Variants in MGMT observed in about 807,000 individuals in gnomAD.
MGMT encodes the protein methylated-DNA--protein-cysteine methyltransferase.
A neutral mutation model predicts 15.9 loss-of-function variants in MGMT; 14 were observed. That is an observed-to-expected ratio of 0.88 (90% CI 0.58 to 1.37). The LOEUF (loss-of-function observed/expected upper bound fraction) is 1.37, where lower values mean the gene tolerates loss of function less well. Ranked by LOEUF, MGMT falls within the 40% of genes most tolerant of loss-of-function variation. The pLI is 0.00. For missense variants in MGMT, 282 were observed against 268.1 expected (o/e 1.05, Z -0.36); for synonymous variants, 130 against 118.2 (o/e 1.10, Z -0.65).
chr10:129,696,168 G>A (rs56819551), intron 2 of MGMT, among the ~76,000 whole-genome samples: 1,702 of 152,290 alleles, frequency 0.011, 27 homozygotes, highest in African/African-American at 0.039. Flanking sequence ...GAGGAGAAAT[G>A]AGGGTACAGC....
rs376209198 is a variant in MGMT, at chr10:129,649,459, A to G, written c.126-58436A>G. 1.1e-4 allele frequency among the ~76,000 whole-genome samples: 17 copies of G among 152,268 alleles called. No homozygotes were observed. In the East Asian group the frequency reaches 2.3e-3, roughly 21 times the overall value. ...TATTGTTTAAAAAATAAAAGTTGGG[A>G]GGAAGATATAATGGATTTTGTCAGT... is the stretch of plus-strand genomic sequence containing the variant. On this transcript the variant is annotated intron_variant, in intron 2 of 4. Coordinates refer to ENST00000651593, the MANE Select transcript of MGMT (RefSeq NM_002412.5).
chr10:129,702,216 C>T (rs568210895), intron 2 of MGMT: 1 of 152,280 alleles, frequency 6.6e-6, no homozygotes, highest in Non-Finnish European at 1.5e-5. Flanking sequence ...TTAAGGAACC[C>T]CTGGCATTGC....
rs78859831 is a variant in MGMT at position 129,533,198 on chromosome 10, C to G, written c.-12-3043C>G. Among the ~76,000 whole-genome samples the G allele has an allele frequency of 4.8e-4, 73 of 152,356 alleles. 3 individuals are homozygous for G. In the East Asian group the frequency reaches 0.013, roughly 28 times the overall value. On this transcript the variant is annotated intron_variant, in intron 1 of 4. Coordinates refer to ENST00000651593, the MANE Select transcript of MGMT (RefSeq NM_002412.5). This position sits in a 1 kb window ranked among gnomAD's most constrained non-coding sequence, Gnocchi z 4.5. ...GATTTTGGCTGTGATTGGAGCGTGG[C>G]CAGTTCTGGTTCCTGCTATTTTCTG...
intron 2 of MGMT, among the ~76,000 whole-genome samples, chr10:129,635,001 T>G (rs1231105761): frequency 6.6e-6 from 1 of 152,210 alleles, no homozygotes; most frequent in African/African-American, 2.4e-5. Context: ...AGTTTGACTC[T>G]TTTGGGTCTT....
At chr10:129,581,381 GCAGTCCTTGGAGAA>G (rs1219933485) in intron 2 of MGMT, among the ~76,000 whole-genome samples, 1 of 152,184 alleles carries the variant, frequency 6.6e-6, no homozygotes, top group Non-Finnish European at 1.5e-5. Context: ...TCCTCCGGTG[GCAGTCCTTGGAGAA>G]CAGGGCCCCA....
chr10:129,743,837 C>T (rs1848665105), intron 3 of MGMT, among the ~76,000 whole-genome samples: 1 of 152,246 alleles, frequency 6.6e-6, no homozygotes, highest in African/African-American at 2.4e-5. Context: ...TCCAGACTGG[C>T]TACAGATGGT....
intron 1 of MGMT, among the ~76,000 whole-genome samples, chr10:129,479,441 T>G (rs1418287046): frequency 6.6e-6 from 1 of 152,186 alleles, no homozygotes; most frequent in East Asian, 1.9e-4. Context: ...AATGTTTTCA[T>G]ATGGAATTGT....
intron 2 of MGMT, among the ~76,000 whole-genome samples, chr10:129,585,741 G>A (rs937609072): frequency 3.9e-5 from 6 of 152,088 alleles, no homozygotes; most frequent in Non-Finnish European, 5.9e-5. Context: ...CCGTGAGTCC[G>A]TGGCTGTGGA....
intron 2 of MGMT, among the ~76,000 whole-genome samples, chr10:129,674,976 G>A (rs888726549): frequency 4.6e-5 from 7 of 152,210 alleles, no homozygotes; most frequent in South Asian, 4.1e-4. Context: ...ATGAGGCATC[G>A]TGGGAGCATT....
chr10:129,589,657 C>T (rs948384790), intron 2 of MGMT, among the ~76,000 whole-genome samples: 1 of 152,226 alleles, frequency 6.6e-6, no homozygotes, highest in East Asian at 1.9e-4. Context: ...TAGTGACCCC[C>T]TATGGCCTGC....
intron 4 of MGMT, among the ~76,000 whole-genome samples, chr10:129,765,422 C>G (rs117366582): frequency 0.025 from 3,742 of 152,322 alleles, 64 homozygotes; most frequent in Non-Finnish European, 0.036. Context: ...GTGGCCATCC[C>G]TGTCTGCCCA....
At position 129,467,272 on chromosome 10, in the gene MGMT, C is replaced by G. The variant is rs1159077257; in HGVS notation, c.-37C>G. The G allele has an allele frequency of 4.5e-6, 7 of 1,544,840 alleles. No homozygotes were observed. The East Asian group carries it at 1.5e-4, about 33-fold the overall frequency. ...TTGCGTCCCGACGCCCGCAGGTCCT[C>G]GCGGTGCGCACCGTTTGCGACTTGG... On this transcript the variant is annotated 5_prime_UTR_variant, in exon 1 of 5. Transcript: ENST00000651593.
intron 2 of MGMT, among the ~76,000 whole-genome samples, chr10:129,592,940 C>T (rs1333664790): frequency 6.6e-6 from 1 of 151,990 alleles, no homozygotes; most frequent in Non-Finnish European, 1.5e-5. Context: ...ATAGAAATAA[C>T]TTGCATGAGG....
intron 2 of MGMT, among the ~76,000 whole-genome samples, chr10:129,655,634 A>G (rs1323695167): frequency 1.3e-5 from 2 of 152,186 alleles, no homozygotes; most frequent in Non-Finnish European, 2.9e-5. Flanking sequence ...GAGTTTGTAA[A>G]ACACTTTGTA....
chr10:129,545,734 T>C (rs560799755), intron 2 of MGMT, among the ~76,000 whole-genome samples: 1 of 152,352 alleles, frequency 6.6e-6, no homozygotes, highest in Non-Finnish European at 1.5e-5. Context: ...TTTTTATTCT[T>C]CCTATATCTG....
chr10:129,644,344 G>A (rs1156509456), intron 2 of MGMT, among the ~76,000 whole-genome samples: 1 of 152,238 alleles, frequency 6.6e-6, no homozygotes, highest in Non-Finnish European at 1.5e-5. Flanking sequence ...ACTGCGGCAT[G>A]TGCTGGAAAA....
intron 2 of MGMT, among the ~76,000 whole-genome samples, chr10:129,589,866 A>G (rs115468623): frequency 0.039 from 5,968 of 152,292 alleles, 150 homozygotes; most frequent in South Asian, 0.065. Flanking sequence ...CTGGCAGCCC[A>G]TCCACCAGGA....
intron 2 of MGMT, among the ~76,000 whole-genome samples, chr10:129,592,176 C>G (rs1223539918): frequency 1.3e-5 from 2 of 152,196 alleles, no homozygotes; most frequent in African/African-American, 2.4e-5. Flanking sequence ...GAAAGTATCA[C>G]TGACCAGCCA....
rs11016833 is a variant in MGMT, at chr10:129,533,348, G to A, written c.-12-2893G>A. On this transcript the variant is annotated intron_variant, in intron 1 of 4. Coordinates refer to ENST00000651593, the MANE Select transcript of MGMT (RefSeq NM_002412.5). This position sits in a 1 kb window ranked among gnomAD's most constrained non-coding sequence, Gnocchi z 4.5. ...CCTGCTGTTAAGAGTGCTACCTGAT[G>A]CAGGTGCTCGGGGCTGGCCAGGATC... Among the ~76,000 whole-genome samples, 33,514 of 152,162 alleles carry A rather than the reference G, an allele frequency of 0.22. 4,270 individuals are homozygous for A. Among genetic ancestry groups the A allele is most frequent in the Non-Finnish European group, 0.28 (19,370 of 67,982 alleles).
Sources: gnomAD v4.1 joint callset for allele counts (sites outside exome capture counted in the v4.1 genomes callset) on GRCh38, gnomAD v4.1.1 for gene constraint, Gnocchi (gnomAD v3.1) non-coding constraint, MANE v1.5 for transcripts, NCBI Gene and HGNC (gene_info 2026-07-23, HGNC 2026-07-21) for gene names.